AKT3: variants seen among roughly 807,000 people sequenced by gnomAD.
AKT3 encodes the protein AKT serine/threonine kinase 3, also known as RAC-gamma serine/threonine-protein kinase.
AKT3 carries 15 observed loss-of-function variants against 65.3 expected under a neutral mutation model. The observed-to-expected ratio is 0.23, with a 90% CI of 0.15 to 0.35. The LOEUF is 0.35. Among genes scored for constraint, AKT3 ranks in the 10% least tolerant of loss-of-function variants. The pLI, the probability that AKT3 is intolerant of heterozygous loss-of-function variation, is 1.00. For missense variants in AKT3, 243 were observed against 576.5 expected, an observed-to-expected ratio of 0.42 and a Z score of 5.92; for synonymous variants, 206 against 183.8, an observed-to-expected ratio of 1.12 and a Z score of -0.98.
intron 2 of AKT3, among the ~76,000 whole-genome samples, chr1:243,807,780 C>A (rs1361797288): frequency 1.1e-4 from 16 of 152,188 alleles, no homozygotes; most frequent in Non-Finnish European, 1.9e-4. Context: ...GGGAGGCAAC[C>A]CCCAGTAGGG....
chr1:243,766,794 T>C (rs1316388071), intron 2 of AKT3, among the ~76,000 whole-genome samples: 1 of 152,168 alleles, frequency 6.6e-6, no homozygotes, highest in Admixed American at 6.5e-5. Context: ...AGCATGTATT[T>C]TGAAGGAATA....
At chr1:243,710,057 A>G (rs1441937394) in intron 2 of AKT3, among the ~76,000 whole-genome samples, 4 of 152,190 alleles carry the variant, frequency 2.6e-5, no homozygotes, top group Admixed American at 6.5e-5. Context: ...AATATGTCAG[A>G]CAGTGAAATA....
intron 2 of AKT3, among the ~76,000 whole-genome samples, chr1:243,834,341 T>C (rs1694747829): frequency 6.6e-6 from 1 of 152,108 alleles, no homozygotes; most frequent in Non-Finnish European, 1.5e-5. Flanking sequence ...AAGAATGAGA[T>C]CATGTCCTTT....
At chr1:243,677,065 C>A (rs779307568) in intron 3 of AKT3, among the ~76,000 whole-genome samples, 4 of 152,208 alleles carry the variant, frequency 2.6e-5, no homozygotes, top group Admixed American at 6.5e-5. Context: ...AAGTTTCAAA[C>A]TGTATTCCTC....
At chr1:243,657,933 G>T (rs1326388860) in intron 4 of AKT3, among the ~76,000 whole-genome samples, 1 of 152,030 alleles carries the variant, frequency 6.6e-6, no homozygotes, top group Non-Finnish European at 1.5e-5. Flanking sequence ...ACATGCAAAA[G>T]AACAAAAGTG....
intron 8 of AKT3, among the ~76,000 whole-genome samples, chr1:243,576,703 C>T (rs967092285): frequency 6.6e-6 from 1 of 152,160 alleles, no homozygotes; most frequent in African/African-American, 2.4e-5. Flanking sequence ...AAACTACAAA[C>T]TACGGCTCAA....
intron 2 of AKT3, among the ~76,000 whole-genome samples, chr1:243,765,149 A>T (rs1305194083): frequency 6.6e-6 from 1 of 152,082 alleles, no homozygotes; most frequent in Non-Finnish European, 1.5e-5. Flanking sequence ...AAAAAGTCCT[A>T]AGTATTTGAG....
intron 2 of AKT3, chr1:243,740,664 C>T (rs1002598394): frequency 2.0e-5 from 3 of 152,174 alleles, no homozygotes; most frequent in African/African-American, 7.2e-5. Flanking sequence ...ACAATTGCAA[C>T]AAAAACCATA....
chr1:243,547,378 T>C (rs1461071598), intron 11 of AKT3, among the ~76,000 whole-genome samples: 2 of 152,246 alleles, frequency 1.3e-5, no homozygotes, highest in Non-Finnish European at 2.9e-5. Flanking sequence ...TAATTTTTAG[T>C]AATGACTATA....
chr1:243,741,818 A>G (rs1688168841), intron 2 of AKT3: 1 of 152,204 alleles, frequency 6.6e-6, no homozygotes, highest in African/African-American at 2.4e-5. Flanking sequence ...CTAAAATGAA[A>G]CCAAGAAACA....
At chr1:243,655,413 T>A (rs1681698279) in intron 4 of AKT3, among the ~76,000 whole-genome samples, 1 of 152,196 alleles carries the variant, frequency 6.6e-6, no homozygotes. Context: ...TATAGTTCTT[T>A]TATCTAGAGT....
chr1:243,572,532 T>C (rs1358757794), intron 9 of AKT3, among the ~76,000 whole-genome samples: 1 of 152,204 alleles, frequency 6.6e-6, no homozygotes, highest in African/African-American at 2.4e-5. Flanking sequence ...TTCAGGTATT[T>C]AAAACCACCC....
At chr1:243,491,318 T>G (rs922774613) in intron 13 of AKT3, among the ~76,000 whole-genome samples, 5 of 152,224 alleles carry the variant, frequency 3.3e-5, no homozygotes, top group Non-Finnish European at 7.3e-5. Flanking sequence ...TAGCAGGTCT[T>G]TCTTTCTTCT....
chr1:243,726,974 T>C (rs537593024), intron 2 of AKT3, among the ~76,000 whole-genome samples: 1 of 152,360 alleles, frequency 6.6e-6, no homozygotes, highest in East Asian at 1.9e-4. Context: ...CAAGGCTCCC[T>C]GCCTGAGCTG....
At chr1:243,767,313 A>C (rs1217087400) in intron 2 of AKT3, among the ~76,000 whole-genome samples, 2 of 152,190 alleles carry the variant, frequency 1.3e-5, no homozygotes, top group Non-Finnish European at 2.9e-5. Flanking sequence ...CCCAGAAGGC[A>C]TAACAGAGTT....
intron 1 of AKT3, 92 bp from the exon 2 acceptor site, chr1:243,843,374 C>T: frequency 2.5e-6 from 3 of 1,221,478 alleles, no homozygotes; most frequent in Non-Finnish European, 3.1e-6. Context: ...ATGTCTTCAA[C>T]TGGCCTGACC....
At chr1:243,635,839 C>G (rs1300806494) in intron 6 of AKT3, among the ~76,000 whole-genome samples, 1 of 151,998 alleles carries the variant, frequency 6.6e-6, no homozygotes, top group Non-Finnish European at 1.5e-5. Flanking sequence ...ACAGCAGGAA[C>G]CAAACCCCAG....
chr1:243,734,485 C>T (rs1687735532), intron 2 of AKT3, among the ~76,000 whole-genome samples: 1 of 151,914 alleles, frequency 6.6e-6, no homozygotes, highest in Admixed American at 6.6e-5. Context: ...AGTTCTAACA[C>T]AATGGTATCT....
intron 2 of AKT3, among the ~76,000 whole-genome samples, chr1:243,813,034 G>C (rs949436518): frequency 3.0e-5 from 4 of 134,698 alleles, no homozygotes; most frequent in African/African-American, 8.3e-5. Flanking sequence ...GTTGTGGGGT[G>C]GGGGGAGGGG....
Sources: gnomAD v4.1 joint callset for allele counts (sites outside exome capture counted in the v4.1 genomes callset) on GRCh38, gnomAD v4.1.1 for gene constraint, MANE v1.5 for transcripts, NCBI Gene and HGNC (gene_info 2026-07-23, HGNC 2026-07-21) for gene names.